The following GABRB3 variants were observed in gnomAD, a reference collection of about 807,000 sequenced individuals.
GABRB3 encodes the protein gamma-aminobutyric acid type A receptor subunit beta3, also known as gamma-aminobutyric acid receptor subunit beta-3.
In GABRB3, 14 loss-of-function variants were observed where a neutral mutation model predicts 52.1. The ratio of observed to expected loss-of-function variants is 0.27; its 90% CI spans 0.18 to 0.42. The LOEUF (loss-of-function observed/expected upper bound fraction) is 0.42, where lower values mean the gene tolerates loss of function less well. GABRB3 is among the 10% of genes least tolerant of loss of function. GABRB3 has a pLI of 1.00. For synonymous variants in GABRB3, 260 were observed against 232.3 expected, an observed-to-expected ratio of 1.12 and a Z score of -1.08; for missense variants, 307 against 609.1, an observed-to-expected ratio of 0.50 and a Z score of 5.22.
intron 6 of GABRB3, among the ~76,000 whole-genome samples, chr15:26,571,396 C>T (rs1474163338): frequency 6.6e-6 from 1 of 152,212 alleles, no homozygotes; most frequent in Non-Finnish European, 1.5e-5. Flanking sequence ...CATCATGTTT[C>T]TGTGGCCAGA....
chr15:26,556,592 A>T (rs1889760830), intron 8 of GABRB3, among the ~76,000 whole-genome samples: 1 of 152,174 alleles, frequency 6.6e-6, no homozygotes, highest in Non-Finnish European at 1.5e-5. Flanking sequence ...CAACTCAGGA[A>T]CAAACAGATG....
At chr15:26,669,816 G>C (rs966095506) in intron 3 of GABRB3, among the ~76,000 whole-genome samples, 4 of 152,148 alleles carry the variant, frequency 2.6e-5, no homozygotes, top group Non-Finnish European at 4.4e-5. Flanking sequence ...TAAGAGCTCT[G>C]AGTTGTTTCA....
chr15:26,583,254 G>C, intron 5 of GABRB3, 78 bp downstream of exon 5: 1 of 1,243,990 alleles, frequency 8.0e-7, no homozygotes, highest in Non-Finnish European at 1.2e-6. Flanking sequence ...TGGATGCCTT[G>C]AAAAAAGATG....
At chr15:26,732,119 CAGACAGAT>C (rs1595556665) in intron 3 of GABRB3, among the ~76,000 whole-genome samples, 3 of 149,156 alleles carry the variant, frequency 2.0e-5, no homozygotes, top group East Asian at 2.0e-4. Flanking sequence ...GATGGATGGA[CAGACAGAT>C]GGACAGATGG....
rs1188707014 is a variant in GABRB3 at position 26,773,066 on chromosome 15, T to C, written c.-104A>G. On this transcript the variant is annotated 5_prime_UTR_variant, in exon 1 of 9. Coordinates refer to ENST00000311550, the MANE Select transcript of GABRB3 (RefSeq NM_000814.6). ...GCCGCCGCCGCCGCCGCCGCCGCGCTGGCCCGGAGCGGAGGAGGGCGGAGG... is the reference window on the plus strand; with the variant it reads ...GCCGCCGCCGCCGCCGCCGCCGCGCCGGCCCGGAGCGGAGGAGGGCGGAGG... 5 of 1,028,934 alleles carry C rather than the reference T, an allele frequency of 4.9e-6. 1 individual carries two copies. Among genetic ancestry groups the C allele is most frequent in the Middle Eastern group, 4.5e-4 (1 of 2,244 alleles). The allele number at this position is 1,028,934 out of a possible 1,614,324, so 63.7% of individuals were successfully genotyped here.
intron 4 of GABRB3, among the ~76,000 whole-genome samples, chr15:26,584,011 C>G (rs1453180334): frequency 6.6e-6 from 1 of 152,088 alleles, no homozygotes; most frequent in Non-Finnish European, 1.5e-5. Context: ...CTCTTGACCT[C>G]GTGATCCGCC....
intron 3 of GABRB3, among the ~76,000 whole-genome samples, chr15:26,640,352 C>T (rs554674444): frequency 6.6e-6 from 1 of 152,188 alleles, no homozygotes; most frequent in Admixed American, 6.5e-5. Context: ...CCCATCTATA[C>T]TAAAAATACA....
chr15:26,670,401 C>G (rs931302137), intron 3 of GABRB3, among the ~76,000 whole-genome samples: 1 of 152,104 alleles, frequency 6.6e-6, no homozygotes, highest in South Asian at 2.1e-4. Flanking sequence ...GCAGGTCTGA[C>G]GACAGCAGGG....
At chr15:26,716,498 T>C in intron 3 of GABRB3, 2 of 678,084 alleles carry the variant, frequency 2.9e-6, no homozygotes, top group Non-Finnish European at 3.6e-6. Flanking sequence ...GAAGAAACGA[T>C]GCTCAGGGGG....
chr15:26,720,357 T>C (rs1051343840), intron 3 of GABRB3, among the ~76,000 whole-genome samples: 1 of 152,118 alleles, frequency 6.6e-6, no homozygotes, highest in Non-Finnish European at 1.5e-5. Flanking sequence ...GTCACCTCTA[T>C]CAGCTCCTGT....
intron 3 of GABRB3, among the ~76,000 whole-genome samples, chr15:26,721,709 A>G (rs1430075037): frequency 6.6e-6 from 1 of 151,952 alleles, no homozygotes; most frequent in Non-Finnish European, 1.5e-5. Flanking sequence ...TAAGGGAAAG[A>G]GCCTGCACCA....
chr15:26,563,189 G>A (rs570833077), intron 7 of GABRB3, among the ~76,000 whole-genome samples: 4 of 152,262 alleles, frequency 2.6e-5, no homozygotes, highest in African/African-American at 4.8e-5. Flanking sequence ...ACAGGCCTCG[G>A]CAGATGTCCC....
chr15:26,587,312 C>G (rs1390337463), intron 4 of GABRB3, among the ~76,000 whole-genome samples: 1 of 152,136 alleles, frequency 6.6e-6, no homozygotes, highest in African/African-American at 2.4e-5. Context: ...GGAAGAAATA[C>G]TCAGAAAACC....
intron 3 of GABRB3, among the ~76,000 whole-genome samples, chr15:26,637,028 G>A (rs1455488704): frequency 2.0e-5 from 3 of 152,148 alleles, no homozygotes; most frequent in Non-Finnish European, 4.4e-5. Context: ...AACAACTGAA[G>A]TCAGATCATT....
intron 4 of GABRB3, among the ~76,000 whole-genome samples, chr15:26,600,856 G>A (rs1891559507): frequency 6.6e-6 from 1 of 152,188 alleles, no homozygotes; most frequent in Non-Finnish European, 1.5e-5. Context: ...ATGATGATGT[G>A]TAAGATGTTA....
chr15:26,636,334 G>A (rs1487055313), intron 3 of GABRB3, among the ~76,000 whole-genome samples: 1 of 152,130 alleles, frequency 6.6e-6, no homozygotes, highest in Non-Finnish European at 1.5e-5. Context: ...CAGCATCCAT[G>A]GCACCAACTT....
At chr15:26,654,087 T>C (rs1003528928) in intron 3 of GABRB3, among the ~76,000 whole-genome samples, 1 of 152,234 alleles carries the variant, frequency 6.6e-6, no homozygotes, top group African/African-American at 2.4e-5. Context: ...AGATGCACTA[T>C]AAATATACAA....
chr15:26,717,705 C>G (rs1294428673), intron 3 of GABRB3, among the ~76,000 whole-genome samples: 1 of 152,178 alleles, frequency 6.6e-6, no homozygotes, highest in Non-Finnish European at 1.5e-5. Context: ...CTTAGGGGTA[C>G]TGATTTTGTT....
chr15:26,630,098 G>A (rs1332589719), intron 3 of GABRB3, among the ~76,000 whole-genome samples: 1 of 152,110 alleles, frequency 6.6e-6, no homozygotes, highest in Non-Finnish European at 1.5e-5. Context: ...AGGCCGCTGG[G>A]GAAGCCCTTG....
Sources: gnomAD v4.1 joint callset for allele counts (sites outside exome capture counted in the v4.1 genomes callset) on GRCh38, gnomAD v4.1.1 for gene constraint, MANE v1.5 for transcripts, NCBI Gene and HGNC (gene_info 2026-07-23, HGNC 2026-07-21) for gene names.